The following AFAP1 variants were observed in gnomAD, a reference collection of about 807,000 sequenced individuals.
The protein encoded by AFAP1 is actin filament associated protein 1, also known as actin filament-associated protein 1.
Under a neutral mutation model 93.9 loss-of-function variants are expected in AFAP1, and 75 were observed. The observed-to-expected ratio is 0.80, with a 90% CI of 0.66 to 0.97. The LOEUF (loss-of-function observed/expected upper bound fraction) is 0.97, where lower values mean the gene tolerates loss of function less well. Ranked by LOEUF, AFAP1 falls within the 50% of genes least tolerant of loss-of-function variation. AFAP1 has a pLI of 0.00. For missense variants in AFAP1, 1,201 were observed against 1,050.8 expected (o/e 1.14, Z -1.98); for synonymous variants, 517 against 430.7 (o/e 1.20, Z -2.48).
intron 17 of AFAP1, among the ~76,000 whole-genome samples, chr4:7,768,504 A>G (rs998913072): frequency 7.9e-5 from 12 of 152,136 alleles, no homozygotes; most frequent in Non-Finnish European, 4.4e-5. Flanking sequence ...AGAGGACTTC[A>G]GCGGTCTCCT....
intron 1 of AFAP1, among the ~76,000 whole-genome samples, chr4:7,875,103 G>A (rs1717408764): frequency 6.6e-6 from 1 of 152,144 alleles, no homozygotes; most frequent in Admixed American, 6.5e-5. Flanking sequence ...TATAGGTCAT[G>A]CAGCTCAACT....
chr4:7,772,606 T>G, intron 16 of AFAP1: 1 of 562,410 alleles, frequency 1.8e-6, no homozygotes. Context: ...CCACAGCTTT[T>G]AACATTTCAG....
chr4:7,802,192 A>T (rs962501275), intron 9 of AFAP1, among the ~76,000 whole-genome samples: 5 of 152,222 alleles, frequency 3.3e-5, no homozygotes, highest in Non-Finnish European at 7.3e-5. Flanking sequence ...CACACACTGA[A>T]GAGAAATGCA....
At chr4:7,882,082 C>T (rs933737658) in intron 1 of AFAP1, among the ~76,000 whole-genome samples, 3 of 152,132 alleles carry the variant, frequency 2.0e-5, no homozygotes, top group Admixed American at 1.3e-4. Context: ...TCAATGAACA[C>T]GACCCCATAC....
Position 7,825,492 on chromosome 4 carries a change from C to T in AFAP1, c.727-6321G>A, listed in dbSNP as rs555110110. On this transcript the variant is annotated intron_variant, in intron 6 of 17. Transcript: ENST00000420658. ...AGTAAGCACTATATTCCCAAATAAA[C>T]CATTAGTCAAAGAAGAAATCAAGAC... Among the ~76,000 whole-genome samples, 6 of 152,188 alleles carry T rather than the reference C, an allele frequency of 3.9e-5. No homozygotes were observed. In the South Asian group the frequency reaches 1.2e-3, roughly 32 times the overall value.
chr4:7,846,124 A>G (rs1713667200), intron 4 of AFAP1, among the ~76,000 whole-genome samples: 1 of 152,216 alleles, frequency 6.6e-6, no homozygotes, highest in African/African-American at 2.4e-5. Flanking sequence ...CAGCTTCTGG[A>G]CAGGACGTGA....
intron 14 of AFAP1, 150 bp downstream of exon 14, chr4:7,778,612 A>T (rs1226653368): frequency 2.6e-6 from 2 of 771,708 alleles, no homozygotes. Flanking sequence ...CTGTCCTTCT[A>T]TGTGGCTGAT....
At chr4:7,893,770 T>C (rs966793449) in intron 1 of AFAP1, among the ~76,000 whole-genome samples, 3 of 152,088 alleles carry the variant, frequency 2.0e-5, no homozygotes, top group East Asian at 1.9e-4. Context: ...CATTCTAACA[T>C]GCTCCCAGGT....
chr4:7,798,643 T>G (rs1365773127), intron 10 of AFAP1, among the ~76,000 whole-genome samples: 1 of 152,212 alleles, frequency 6.6e-6, no homozygotes, highest in Non-Finnish European at 1.5e-5. Context: ...GTCGTGTCAT[T>G]CAGGAAACTG....
chr4:7,864,164 C>CACCTTCCCAACTTCCCATCACAAA (rs1314891559), intron 3 of AFAP1, among the ~76,000 whole-genome samples: 1 of 151,914 alleles, frequency 6.6e-6, no homozygotes, highest in African/African-American at 2.4e-5. Flanking sequence ...CTCATCACAA[C>CACCTTCCCAACTTCCCATCACAAA]CCACAGGTCC....
chr4:7,852,507 CCT>C (rs1018767385), intron 4 of AFAP1, among the ~76,000 whole-genome samples: 20 of 152,072 alleles, frequency 1.3e-4, no homozygotes, highest in African/African-American at 4.3e-4. Flanking sequence ...TGGAAGACCC[CCT>C]GAGTGCCCCT....
intron 1 of AFAP1, among the ~76,000 whole-genome samples, chr4:7,881,509 G>T (rs747202022): frequency 6.6e-6 from 1 of 152,210 alleles, no homozygotes; most frequent in Admixed American, 6.5e-5. Context: ...TGGGCCAGGC[G>T]CGGTGGCTCC....
At chr4:7,877,094 A>C (rs1577327781) in intron 1 of AFAP1, among the ~76,000 whole-genome samples, 1 of 152,228 alleles carries the variant, frequency 6.6e-6, no homozygotes, top group South Asian at 2.1e-4. Context: ...AGTGATCTTA[A>C]GGTTTACTTG....
intron 4 of AFAP1, among the ~76,000 whole-genome samples, chr4:7,844,315 C>T (rs1412323558): frequency 6.6e-6 from 1 of 152,044 alleles, no homozygotes; most frequent in African/African-American, 2.4e-5. Flanking sequence ...CTGTCCCCAC[C>T]ATGTGAGGAC....
At chr4:7,934,526 T>C (rs1425096079) in intron 1 of AFAP1, among the ~76,000 whole-genome samples, 2 of 152,008 alleles carry the variant, frequency 1.3e-5, no homozygotes, top group Non-Finnish European at 2.9e-5. Context: ...CAGGGCCGGG[T>C]TTATTAGCCT....
At chr4:7,769,321 G>A (rs1032373143) in intron 16 of AFAP1, among the ~76,000 whole-genome samples, 5 of 152,186 alleles carry the variant, frequency 3.3e-5, no homozygotes, top group African/African-American at 1.2e-4. Flanking sequence ...GCTCTTGCAT[G>A]CAGCTGCTGC....
chr4:7,823,773 T>C lies in AFAP1; in HGVS notation c.727-4602A>G, dbSNP rs1396366555. On this transcript the variant is annotated intron_variant, in intron 6 of 17. Coordinates refer to ENST00000420658, the MANE Select transcript of AFAP1 (RefSeq NM_001134647.2). ...ACTTCTCTCCCAGCTAGAACTCACA[T>C]TGCCCCAGGAAAATAACAGCATCTC... 3.9e-5 allele frequency among the ~76,000 whole-genome samples: 6 copies of C among 152,324 alleles called. No individual in the cohort carries two copies. The East Asian group carries it at 7.7e-4, about 20-fold the overall frequency.
intron 1 of AFAP1, among the ~76,000 whole-genome samples, chr4:7,894,819 C>T (rs1718673867): frequency 6.6e-6 from 1 of 152,130 alleles, no homozygotes; most frequent in African/African-American, 2.4e-5. Flanking sequence ...GGAAAAGCCT[C>T]GAGGGCTCCT....
In AFAP1 at chr4:7,772,475, G is replaced by A. The variant is rs551500507; in HGVS notation, c.2253+345C>T. 2.7e-4 allele frequency: 56 copies of A among 207,772 alleles called. No homozygotes were observed. In the East Asian group the frequency reaches 3.7e-3, roughly 14 times the overall value. The allele number at this position is 207,772 out of a possible 1,614,324, so 12.9% of individuals were successfully genotyped here. On this transcript the variant is annotated intron_variant, in intron 16 of 17. Coordinates refer to ENST00000420658, the MANE Select transcript of AFAP1 (RefSeq NM_001134647.2). ...GGCTTAACTCTCAGACATGTTAGAC[G>A]GTTTGTAAGCACCGGCTCTACTGAA... is the stretch of plus-strand genomic sequence containing the variant.
Sources: allele counts gnomAD v4.1 joint callset (sites outside exome capture counted in the v4.1 genomes callset), GRCh38; gene constraint gnomAD v4.1.1; transcripts MANE v1.5; gene names NCBI Gene and HGNC (gene_info 2026-07-23, HGNC 2026-07-21).